The following DNM3 variants were observed in gnomAD, a reference collection of about 807,000 sequenced individuals.
DNM3 encodes the protein dynamin 3.
DNM3 carries 47 observed loss-of-function variants against 101.6 expected under a neutral mutation model. The ratio of observed to expected loss-of-function variants is 0.46; its 90% CI spans 0.37 to 0.59. DNM3 has a LOEUF of 0.59. Ranked by LOEUF, DNM3 falls within the 20% of genes least tolerant of loss-of-function variation. The pLI is 0.00. For synonymous variants in DNM3, 385 were observed against 387.9 expected (o/e 0.99, Z 0.09); for missense variants, 849 against 1,085.7 (o/e 0.78, Z 3.06).
intron 1 of DNM3, among the ~76,000 whole-genome samples, chr1:171,900,402 A>G (rs923009785): frequency 6.6e-6 from 1 of 152,164 alleles, no homozygotes; most frequent in African/African-American, 2.4e-5. Context: ...AAAAACCCCA[A>G]GAAGGAGCGG....
chr1:172,126,422 A>G (rs1055679265), intron 13 of DNM3, among the ~76,000 whole-genome samples: 1 of 152,184 alleles, frequency 6.6e-6, no homozygotes, highest in Admixed American at 6.5e-5. Flanking sequence ...AATCTTAAAT[A>G]TATTCTAATT....
chr1:172,390,213 A>C (rs2149084310), intron 20 of DNM3, among the ~76,000 whole-genome samples: 1 of 152,358 alleles, frequency 6.6e-6, no homozygotes, highest in Admixed American at 6.5e-5. Flanking sequence ...AGCAATAGCC[A>C]ACATTTATTG....
intron 13 of DNM3, among the ~76,000 whole-genome samples, chr1:172,104,061 A>G (rs1487577552): frequency 2.0e-5 from 3 of 152,180 alleles, no homozygotes; most frequent in Admixed American, 1.3e-4. Flanking sequence ...CCCTTCTCCT[A>G]TGAAATGTCT....
chr1:172,201,819 G>T (rs2060163726), intron 14 of DNM3, among the ~76,000 whole-genome samples: 1 of 152,168 alleles, frequency 6.6e-6, no homozygotes, highest in African/African-American at 2.4e-5. Context: ...CAGGCCTGGA[G>T]GACCTGTCTA....
chr1:171,949,657 T>G (rs2125447967), intron 2 of DNM3, among the ~76,000 whole-genome samples: 1 of 152,042 alleles, frequency 6.6e-6, no homozygotes. Flanking sequence ...CTCAAGCCGT[T>G]CTCCTGTCTT....
chr1:171,924,922 G>T (rs1320519933), intron 2 of DNM3, among the ~76,000 whole-genome samples: 3 of 144,974 alleles, frequency 2.1e-5, no homozygotes, highest in Non-Finnish European at 4.5e-5. Context: ...TTTTTGAGAT[G>T]GAGTCTCGCT....
chr1:171,937,689 A>G (rs12047542), intron 2 of DNM3, among the ~76,000 whole-genome samples: 40,558 of 151,828 alleles, frequency 0.27, 5,993 homozygotes, highest in Admixed American at 0.36. Flanking sequence ...CCTACCTCAG[A>G]CTCCAGAGTA....
chr1:172,268,455 T>C (rs2062957298), intron 15 of DNM3, among the ~76,000 whole-genome samples: 1 of 152,154 alleles, frequency 6.6e-6, no homozygotes, highest in Non-Finnish European at 1.5e-5. Flanking sequence ...CAATACTGCA[T>C]CTTTTTCCTT....
intron 14 of DNM3, among the ~76,000 whole-genome samples, chr1:172,174,027 T>C (rs1179403667): frequency 6.6e-6 from 1 of 151,650 alleles, no homozygotes; most frequent in African/African-American, 2.4e-5. Context: ...ACCATAGTAG[T>C]ATGTTAATAA....
intron 15 of DNM3, among the ~76,000 whole-genome samples, chr1:172,288,262 C>G (rs576659853): frequency 2.8e-4 from 43 of 152,104 alleles, no homozygotes; most frequent in Non-Finnish European, 5.3e-4. Flanking sequence ...ATGGTCAAAA[C>G]TAACACTAGA....
chr1:171,992,901 T>A (rs980679948), intron 4 of DNM3, among the ~76,000 whole-genome samples: 2 of 152,118 alleles, frequency 1.3e-5, no homozygotes, highest in Non-Finnish European at 2.9e-5. Flanking sequence ...GTGGTTGCCA[T>A]AGGATTACAA....
intron 16 of DNM3, among the ~76,000 whole-genome samples, chr1:172,316,096 A>C (rs2065337118): frequency 6.6e-6 from 1 of 152,198 alleles, no homozygotes; most frequent in Admixed American, 6.5e-5. Context: ...ACATTCTTAA[A>C]GAAAAGAATT....
chr1:172,212,575 G>A (rs1397631751), intron 14 of DNM3, among the ~76,000 whole-genome samples: 4 of 152,070 alleles, frequency 2.6e-5, no homozygotes, highest in Non-Finnish European at 5.9e-5. Context: ...TTAATCTTAT[G>A]GTGCACAGTC....
intron 14 of DNM3, among the ~76,000 whole-genome samples, chr1:172,145,035 G>A (rs910870849): frequency 2.0e-4 from 30 of 152,034 alleles, no homozygotes; most frequent in African/African-American, 6.3e-4. Context: ...CAACTGGGCA[G>A]GAAGTGGGCC....
chr1:172,225,574 AT>A (rs11339745), intron 14 of DNM3, among the ~76,000 whole-genome samples: 43,849 of 148,604 alleles, frequency 0.3, 6,681 homozygotes, highest in Middle Eastern at 0.45. Flanking sequence ...CCAAATGACC[AT>A]TTTTTTTTTG....
At position 171,846,226 on chromosome 1, in the gene DNM3, G is replaced by A. The variant is rs546903332; in HGVS notation, c.161+4409G>A. 3.8e-4 allele frequency among the ~76,000 whole-genome samples: 44 copies of A among 116,778 alleles called. 2 individuals carry two copies. In the East Asian group the frequency reaches 0.013, roughly 34 times the overall value. The allele number at this position is 116,778 out of a possible 152,430, so 76.6% of individuals were successfully genotyped here. On this transcript the variant is annotated intron_variant, in intron 1 of 20. Transcript: ENST00000627582. The stretch of plus-strand genomic sequence containing the variant: ...ATTAACATTATATAATATACTTTTA[G>A]GTTATCACAAATTCACAGTTGGTGG...
chr1:172,144,203 A>C lies in DNM3; in HGVS notation c.1659+12915A>C, dbSNP rs139071910. Among the ~76,000 whole-genome samples the C allele has an allele frequency of 2.1e-4, 31 of 150,402 alleles. 1 individual carries two copies. The East Asian group carries it at 4.8e-3, about 24-fold the overall frequency. ...CTTCAGAAATAAAAAAAAAAAAAAC[A>C]GTAAATCGCTATATACCACACACTT... On this transcript the variant is annotated intron_variant, in intron 14 of 20. Transcript: ENST00000627582.
At chr1:172,228,898 A>C (rs1430722959) in intron 14 of DNM3, among the ~76,000 whole-genome samples, 1 of 152,044 alleles carries the variant, frequency 6.6e-6, no homozygotes, top group Non-Finnish European at 1.5e-5. Flanking sequence ...TGTGAAAATA[A>C]ATTTTTTAAA....
chr1:171,993,688 C>T (rs1459527841), intron 4 of DNM3, among the ~76,000 whole-genome samples: 1 of 151,932 alleles, frequency 6.6e-6, no homozygotes, highest in Non-Finnish European at 1.5e-5. Flanking sequence ...CTCCTCTTCT[C>T]TTTCTGAGAA....
Sources: allele counts gnomAD v4.1 joint callset (sites outside exome capture counted in the v4.1 genomes callset), GRCh38; gene constraint gnomAD v4.1.1; transcripts MANE v1.5; gene names NCBI Gene and HGNC (gene_info 2026-07-23, HGNC 2026-07-21).